Variants in ACADM observed in about 807,000 individuals in gnomAD.
ACADM encodes the protein medium-chain specific acyl-CoA dehydrogenase, mitochondrial.
Under a neutral mutation model 58.9 loss-of-function variants are expected in ACADM, and 49 were observed. The observed-to-expected ratio is 0.83, with a 90% CI of 0.66 to 1.06. The LOEUF (loss-of-function observed/expected upper bound fraction) is 1.06. Among genes scored for constraint, ACADM ranks in the 50% least tolerant of loss-of-function variants. ACADM has a pLI of 0.00. For synonymous variants in ACADM, 160 were observed against 157.7 expected, an observed-to-expected ratio of 1.01 and a Z score of -0.11; for missense variants, 496 against 507.0, an observed-to-expected ratio of 0.98 and a Z score of 0.21.
chr1:75,750,075 T>C (rs1440663591), intron 9 of ACADM, among the ~76,000 whole-genome samples: 1 of 152,186 alleles, frequency 6.6e-6, no homozygotes, highest in Non-Finnish European at 1.5e-5. Context: ...ATTATAGAAA[T>C]TATTTTAGCA....
chr1:75,731,041 C>T (rs906662188), intron 2 of ACADM, among the ~76,000 whole-genome samples: 1 of 151,894 alleles, frequency 6.6e-6, no homozygotes, highest in Non-Finnish European at 1.5e-5. Context: ...AATCCCAGCA[C>T]TTTGGGAGGC....
intron 11 of ACADM, chr1:75,761,725 A>G: frequency 3.8e-6 from 1 of 265,164 alleles, no homozygotes; most frequent in Non-Finnish European, 7.3e-6. Context: ...CCTGACAACT[A>G]TTTAATTTAT....
At position 75,749,568 on chromosome 1, in the gene ACADM, T is replaced by A; in HGVS notation, c.849+9T>A. ...ATAAAACCAGACCTGTAGTAAGTAA[T>A]ATGGGTTCATAATCTTTATAGGATC... On this transcript the variant is annotated intron_variant, in intron 9 of 11. Transcript: ENST00000370841. The A allele has an allele frequency of 1.2e-6, 2 of 1,611,960 alleles. No homozygotes were observed.
intron 2 of ACADM, among the ~76,000 whole-genome samples, chr1:75,729,603 C>T (rs1310229693): frequency 6.6e-6 from 1 of 151,832 alleles, no homozygotes; most frequent in Non-Finnish European, 1.5e-5. Context: ...AAGCGATTCT[C>T]CTGCCCCAGC....
At chr1:75,730,208 C>T (rs1185788042) in intron 2 of ACADM, among the ~76,000 whole-genome samples, 1 of 152,060 alleles carries the variant, frequency 6.6e-6, no homozygotes, top group Non-Finnish European at 1.5e-5. Context: ...GTGGATCATA[C>T]TGAGATAATT....
Position 75,732,918 on chromosome 1 carries a change from C to T in ACADM, c.282C>T (p.Asn94=), listed in dbSNP as rs1179387103. The T allele has an allele frequency of 6.2e-7, 1 of 1,613,816 alleles. No homozygotes were observed. The highest frequency in any genetic ancestry group is 8.5e-7 in the Non-Finnish European group (1 of 1,179,808). Reference sequence around the variant, plus strand: ...TAATGAACACACACATTCCAGAGAACTGTGGTAAGCTTTCTTTATATTTTT... The same window carrying T: ...TAATGAACACACACATTCCAGAGAATTGTGGTAAGCTTTCTTTATATTTTT... The part of the protein sequence containing the change: ...LGLMNTHIPE[N]CGGLGLGTFD... The change falls in exon 4 of 12, where the codon AAC becomes AAT. Residue 94 remains asparagine (N), a synonymous_variant. Coordinates refer to ENST00000370841, the MANE Select transcript of ACADM (RefSeq NM_000016.6).
chr1:75,757,106 T>C (rs1476271892), intron 10 of ACADM, among the ~76,000 whole-genome samples: 3 of 152,136 alleles, frequency 2.0e-5, no homozygotes, highest in African/African-American at 7.2e-5. Flanking sequence ...ATAAGAACCC[T>C]AGAAGAAAAC....
chr1:75,749,598 AT>A, intron 9 of ACADM, 39 bp downstream of exon 9: 1 of 1,545,470 alleles, frequency 6.5e-7, no homozygotes, highest in Non-Finnish European at 8.9e-7. Flanking sequence ...AGGATCTTTT[AT>A]TTATTACATT....
At chr1:75,732,245 C>T (rs1647160348) in intron 2 of ACADM, among the ~76,000 whole-genome samples, 1 of 151,754 alleles carries the variant, frequency 6.6e-6, no homozygotes, top group Non-Finnish European at 1.5e-5. Flanking sequence ...TCATCTATTT[C>T]GTTAGATTGA....
At chr1:75,737,312 A>G (rs1415615541) in intron 6 of ACADM, among the ~76,000 whole-genome samples, 7 of 109,882 alleles carry the variant, frequency 6.4e-5, no homozygotes, top group Non-Finnish European at 1.2e-4. Context: ...ATATATATAT[A>G]TATATATATA....
At chr1:75,758,541 G>A (rs761163618) in intron 10 of ACADM, among the ~76,000 whole-genome samples, 32 of 152,216 alleles carry the variant, frequency 2.1e-4, no homozygotes, top group Non-Finnish European at 4.3e-4. Flanking sequence ...CCTGGGTCGA[G>A]TGGGGACTTG....
intron 10 of ACADM, among the ~76,000 whole-genome samples, chr1:75,751,864 T>TA (rs1426092211): frequency 1.3e-5 from 2 of 152,114 alleles, no homozygotes; most frequent in Non-Finnish European, 2.9e-5. Context: ...TTTAGTACTA[T>TA]AAAGAGTCGT....
Position 75,751,070 on chromosome 1 carries a change from G to A in ACADM, c.945+524G>A, listed in dbSNP as rs149131428. Among the ~76,000 whole-genome samples the A allele has an allele frequency of 6.4e-3, 961 of 150,680 alleles. 4 individuals carry two copies. The highest frequency in any genetic ancestry group is 0.022 in the African/African-American group (923 of 41,308). ...TTAAATATATTTTCTAGCCGGGCGC[G>A]GTGGATCACGCCTGTAATCCCAGCA... On this transcript the variant is annotated intron_variant, in intron 10 of 11. Coordinates refer to ENST00000370841, the MANE Select transcript of ACADM (RefSeq NM_000016.6).
At chr1:75,750,378 T>C (rs1428969894) in intron 9 of ACADM, 73 bp from the exon 10 acceptor site, 10 of 1,256,564 alleles carry the variant, frequency 8.0e-6, no homozygotes, top group Admixed American at 3.9e-5. Context: ...CTCCCTAACA[T>C]AGACACTTAG....
intron 7 of ACADM, 34 bp from the exon 8 acceptor site, chr1:75,745,772 A>G (rs552372882): frequency 1.4e-6 from 2 of 1,459,552 alleles, no homozygotes; most frequent in Middle Eastern, 3.5e-4. Flanking sequence ...ATTTGCCGAT[A>G]TTATCACCAT....
intron 7 of ACADM, chr1:75,744,784 C>T (rs1321965274): frequency 6.5e-6 from 4 of 617,296 alleles, no homozygotes; most frequent in Admixed American, 5.1e-5. Flanking sequence ...TCACGGCGGC[C>T]GGGTCTCCGT....
chr1:75,743,103 G>C (rs1647669979), intron 7 of ACADM, among the ~76,000 whole-genome samples: 1 of 152,180 alleles, frequency 6.6e-6, no homozygotes, highest in African/African-American at 2.4e-5. Flanking sequence ...ACCAGCACTA[G>C]GGAGAAGCAA....
chr1:75,742,238 A>T (rs34748623), intron 7 of ACADM, among the ~76,000 whole-genome samples: 5,932 of 147,496 alleles, frequency 0.04, 138 homozygotes, highest in Middle Eastern at 0.056. Flanking sequence ...CAGCAGCCTC[A>T]GGCCTGGATG....
chr1:75,753,795 CTTT>C (rs71071962), intron 10 of ACADM, among the ~76,000 whole-genome samples: 8 of 81,894 alleles, frequency 9.8e-5, no homozygotes, highest in East Asian at 2.8e-4. Context: ...CTGATAGCTT[CTTT>C]TTTTTTTTTT....
Sources: gnomAD v4.1 joint callset for allele counts (sites outside exome capture counted in the v4.1 genomes callset) on GRCh38, gnomAD v4.1.1 for gene constraint, MANE v1.5 for transcripts, NCBI Gene and HGNC (gene_info 2026-07-23, HGNC 2026-07-21) for gene names.